The following TMEM135 variants were observed in gnomAD, a reference collection of about 807,000 sequenced individuals.
The protein encoded by TMEM135 is transmembrane protein 135.
A neutral mutation model predicts 60.3 loss-of-function variants in TMEM135; 30 were observed. That is an observed-to-expected ratio of 0.50 (90% CI 0.37 to 0.68). The LOEUF is 0.68. Among genes scored for constraint, TMEM135 ranks in the 30% least tolerant of loss-of-function variants. The pLI, the probability that TMEM135 is intolerant of heterozygous loss-of-function variation, is 0.00. For synonymous variants in TMEM135, 190 were observed against 186.7 expected, an observed-to-expected ratio of 1.02 and a Z score of -0.14; for missense variants, 468 against 548.8, an observed-to-expected ratio of 0.85 and a Z score of 1.47.
chr11:87,107,413 C>G (rs887040898), intron 4 of TMEM135, among the ~76,000 whole-genome samples: 1 of 143,922 alleles, frequency 6.9e-6, no homozygotes, highest in South Asian at 2.4e-4. Flanking sequence ...ATCCATCCCC[C>G]CTCCCCCCAC....
At chr11:87,314,436 C>T (rs377582665) in intron 11 of TMEM135, 35 bp from the exon 12 acceptor site, 36 of 1,522,148 alleles carry the variant, frequency 2.4e-5, no homozygotes, top group Admixed American at 5.1e-5. Flanking sequence ...AAATACTCTG[C>T]GATCTTATCA....
chr11:87,123,425 A>C (rs1937636645), intron 4 of TMEM135, among the ~76,000 whole-genome samples: 1 of 152,074 alleles, frequency 6.6e-6, no homozygotes, highest in South Asian at 2.1e-4. Flanking sequence ...GTGATTTTGT[A>C]TTTGGATTCC....
At chr11:87,239,560 T>G (rs538278753) in intron 6 of TMEM135, among the ~76,000 whole-genome samples, 1 of 152,152 alleles carries the variant, frequency 6.6e-6, no homozygotes, top group East Asian at 1.9e-4. Context: ...ATGTTAAATC[T>G]AATTGCATGA....
At chr11:87,088,374 T>C (rs1471268617) in intron 3 of TMEM135, among the ~76,000 whole-genome samples, 1 of 152,186 alleles carries the variant, frequency 6.6e-6, no homozygotes, top group African/African-American at 2.4e-5. Flanking sequence ...ATTGCAGTGA[T>C]ACAAATAACT....
intron 3 of TMEM135, among the ~76,000 whole-genome samples, chr11:87,072,313 G>C (rs1386968471): frequency 1.3e-5 from 2 of 151,944 alleles, no homozygotes; most frequent in Non-Finnish European, 2.9e-5. Context: ...TCTGTACTTC[G>C]CTTACTTTGC....
chr11:87,090,551 T>C (rs915515188), intron 3 of TMEM135, among the ~76,000 whole-genome samples: 5 of 152,116 alleles, frequency 3.3e-5, no homozygotes, highest in Admixed American at 2.6e-4. Context: ...ACTGAAAATG[T>C]TCATAAAGGA....
chr11:87,171,609 C>T (rs143884500), intron 5 of TMEM135, among the ~76,000 whole-genome samples: 443 of 152,274 alleles, frequency 2.9e-3, no homozygotes, highest in Middle Eastern at 6.8e-3. Context: ...GTTTACTGAA[C>T]TCCTCACAAC....
At chr11:87,258,815 C>T in intron 6 of TMEM135, 1 of 622,196 alleles carries the variant, frequency 1.6e-6, no homozygotes, top group East Asian at 2.8e-5. Flanking sequence ...TCTGACTTCT[C>T]CCACGGAGAC....
chr11:87,202,166 C>T (rs1446076140), intron 5 of TMEM135, among the ~76,000 whole-genome samples: 1 of 152,136 alleles, frequency 6.6e-6, no homozygotes, highest in Non-Finnish European at 1.5e-5. Flanking sequence ...TCTGGGACTA[C>T]AGGAGTGCAC....
At chr11:87,264,950 T>C (rs1941721755) in intron 6 of TMEM135, among the ~76,000 whole-genome samples, 2 of 151,940 alleles carry the variant, frequency 1.3e-5, no homozygotes, top group African/African-American at 2.4e-5. Flanking sequence ...TTGTAGAATA[T>C]AGTTATATTA....
chr11:87,053,185 G>A (rs1949855784), intron 1 of TMEM135, among the ~76,000 whole-genome samples: 1 of 79,300 alleles, frequency 1.3e-5, no homozygotes, highest in African/African-American at 5.2e-5. Context: ...GAGGGGGGAG[G>A]GATAGCAAAA....
chr11:87,297,097 A>G (rs1051701309), intron 7 of TMEM135, among the ~76,000 whole-genome samples: 13 of 152,126 alleles, frequency 8.5e-5, no homozygotes, highest in African/African-American at 3.1e-4. Flanking sequence ...AGAGAGAACC[A>G]GAAGGTGGAA....
At chr11:87,239,507 A>C (rs984590982) in intron 6 of TMEM135, among the ~76,000 whole-genome samples, 17 of 152,070 alleles carry the variant, frequency 1.1e-4, no homozygotes, top group African/African-American at 3.9e-4. Context: ...TTTATTATAA[A>C]TACATATATT....
intron 2 of TMEM135, among the ~76,000 whole-genome samples, chr11:87,069,284 CA>C (rs778885228): frequency 0.26 from 16,496 of 62,294 alleles, 534 homozygotes; most frequent in East Asian, 0.47. Flanking sequence ...GACTCCGTCT[CA>C]AAAAAAAAAA....
intron 6 of TMEM135, among the ~76,000 whole-genome samples, chr11:87,251,237 G>T (rs1313469797): frequency 6.6e-6 from 1 of 152,132 alleles, no homozygotes; most frequent in African/African-American, 2.4e-5. Context: ...AACCATGCAG[G>T]TTGATAGTGT....
intron 5 of TMEM135, among the ~76,000 whole-genome samples, chr11:87,174,749 T>A (rs956339455): frequency 2.6e-5 from 4 of 152,270 alleles, no homozygotes; most frequent in Admixed American, 1.3e-4. Context: ...GGTCCTCCAA[T>A]CATATCCCTT....
At chr11:87,092,961 G>T (rs1857243013) in intron 4 of TMEM135, among the ~76,000 whole-genome samples, 1 of 151,826 alleles carries the variant, frequency 6.6e-6, no homozygotes, top group Non-Finnish European at 1.5e-5. Context: ...CTCAGCTTTT[G>T]TAGTCCGAGA....
intron 1 of TMEM135, among the ~76,000 whole-genome samples, chr11:87,049,620 C>G (rs1437656103): frequency 1.7e-5 from 2 of 120,420 alleles, no homozygotes; most frequent in Non-Finnish European, 3.6e-5. Context: ...AGCTAACTAT[C>G]CTAAATATTT....
intron 4 of TMEM135, among the ~76,000 whole-genome samples, chr11:87,102,658 G>T (rs1484853615): frequency 6.8e-6 from 1 of 148,116 alleles, no homozygotes; most frequent in Admixed American, 6.8e-5. Flanking sequence ...CATCTATGGG[G>T]TGCAATGTGA....
Sources: allele counts gnomAD v4.1 joint callset (sites outside exome capture counted in the v4.1 genomes callset), GRCh38; gene constraint gnomAD v4.1.1; transcripts MANE v1.5; gene names NCBI Gene and HGNC (gene_info 2026-07-23, HGNC 2026-07-21).